The following DNAJC5 variants were observed in gnomAD, a reference collection of about 807,000 sequenced individuals.
DNAJC5 encodes the protein dnaJ homolog subfamily C member 5.
DNAJC5 carries 1 observed loss-of-function variant against 23.2 expected under a neutral mutation model. The observed-to-expected ratio is 0.04, with a 90% confidence interval of 0.02 to 0.20. DNAJC5 has a LOEUF of 0.20. DNAJC5 is among the 10% of genes least tolerant of loss of function. The pLI, the probability that DNAJC5 is intolerant of heterozygous loss-of-function variation, is 1.00. For synonymous variants in DNAJC5, 136 were observed against 120.0 expected (o/e 1.13, Z -0.87); for missense variants, 180 against 267.0 (o/e 0.67, Z 2.27).
rs138086896 is a variant in DNAJC5, at chr20:63,929,731, C to A, written c.321+206C>A. ...GGGCGCCCGAGTCACTCCTGCCGTGCGGGCACCCGAGTCTCTCCTGCCATG... is the reference window on the plus strand; with the variant it reads ...GGGCGCCCGAGTCACTCCTGCCGTGAGGGCACCCGAGTCTCTCCTGCCATG... On this transcript the variant is annotated intron_variant, in intron 3 of 4. Coordinates refer to ENST00000360864, the MANE Select transcript of DNAJC5 (RefSeq NM_025219.3). The surrounding 1 kb of genome is among the most constrained non-coding windows in gnomAD (Gnocchi z 8.6). Among the ~76,000 whole-genome samples, 573 of 132,196 alleles carry A rather than the reference C, an allele frequency of 4.3e-3. 18 individuals are homozygous for A. The highest frequency in any genetic ancestry group is 0.013 in the African/African-American group (497 of 37,044). The allele number at this position is 132,196 out of a possible 152,430, so 86.7% of individuals were successfully genotyped here. A position where few individuals can be genotyped will look rare whatever the true frequency, so the allele number is the denominator to read the frequency against.
intron 1 of DNAJC5, among the ~76,000 whole-genome samples, chr20:63,926,184 A>G (rs1173384414): frequency 1.3e-5 from 2 of 151,920 alleles, no homozygotes; most frequent in African/African-American, 4.8e-5. Flanking sequence ...GCCTATTCAG[A>G]TTTTCTATTT....
At chr20:63,902,286 C>G (rs2053418312) in intron 1 of DNAJC5, among the ~76,000 whole-genome samples, 1 of 151,354 alleles carries the variant, frequency 6.6e-6, no homozygotes, top group African/African-American at 2.4e-5. Context: ...GATCTCCTGA[C>G]CTTGTGATCC....
rs2053696754 is a variant in DNAJC5, at chr20:63,934,070, G to C, written c.*2502G>C. 1 of 152,164 alleles carries C rather than the reference G, an allele frequency of 6.6e-6. No individual in the cohort carries two copies. Among genetic ancestry groups the C allele is most frequent in the Non-Finnish European group, 1.5e-5 (1 of 68,022 alleles). The allele number at this position is 152,164 out of a possible 1,614,324, so 9.4% of individuals were successfully genotyped here. On this transcript the variant is annotated 3_prime_UTR_variant, in exon 5 of 5. Transcript: ENST00000360864. ...CTCACGGTGGTGATTGTGATTAGAC[G>C]ACCCCCGGGAAGCCCAGACACTCGG...
intron 1 of DNAJC5, among the ~76,000 whole-genome samples, chr20:63,898,378 C>T (rs564587575): frequency 7.2e-5 from 11 of 152,290 alleles, no homozygotes; most frequent in African/African-American, 2.6e-4. Context: ...TGCAGGTAAA[C>T]TGTAACAGCA....
At chr20:63,912,406 A>G (rs1037762886) in intron 1 of DNAJC5, among the ~76,000 whole-genome samples, 1 of 152,024 alleles carries the variant, frequency 6.6e-6, no homozygotes, top group Non-Finnish European at 1.5e-5. Context: ...ATTTCTTCAA[A>G]TGTATTTACA....
Position 63,931,332 on chromosome 20 carries a change from G to T in DNAJC5, c.494-133G>T, listed in dbSNP as rs1175349608. On this transcript the variant is annotated intron_variant, in intron 4 of 4. Coordinates refer to ENST00000360864, the MANE Select transcript of DNAJC5 (RefSeq NM_025219.3). The surrounding 1 kb of genome is among the most constrained non-coding windows in gnomAD (Gnocchi z 9.6). ...CCAAGGCGACGGAGGAAAGCCGTGT[G>T]GGGTGGAGGTCAGCGAGTAGCCTCT... 4 of 940,944 alleles carry T rather than the reference G, an allele frequency of 4.3e-6. No individual in the cohort carries two copies. Among genetic ancestry groups the T allele is most frequent in the South Asian group, 4.2e-5 (3 of 71,366 alleles). 58.3% of individuals were successfully genotyped at this position (940,944 alleles called of 1,614,324 possible). A position where few individuals can be genotyped will look rare whatever the true frequency, so the allele number is the denominator to read the frequency against.
chr20:63,908,531 C>T (rs561887400), intron 1 of DNAJC5, among the ~76,000 whole-genome samples: 9 of 152,306 alleles, frequency 5.9e-5, no homozygotes, highest in African/African-American at 2.2e-4. Flanking sequence ...ACGGAATGAA[C>T]AGGGCAAAGG....
chr20:63,913,977 C>T (rs915586283), intron 1 of DNAJC5, among the ~76,000 whole-genome samples: 2 of 152,218 alleles, frequency 1.3e-5, no homozygotes, highest in East Asian at 3.8e-4. Flanking sequence ...ACTCCATCCT[C>T]CCACCCCTCA....
Position 63,931,404 on chromosome 20 carries a change from C to G in DNAJC5, c.494-61C>G. 2 of 1,467,026 alleles carry G rather than the reference C, an allele frequency of 1.4e-6. No individual in the cohort carries two copies. The highest frequency in any genetic ancestry group is 1.8e-6 in the Non-Finnish European group (2 of 1,084,598). The allele number at this position is 1,467,026 out of a possible 1,614,324, so 90.9% of individuals were successfully genotyped here. On this transcript the variant is annotated intron_variant, in intron 4 of 4. Transcript: ENST00000360864. The surrounding 1 kb of genome is among the most constrained non-coding windows in gnomAD (Gnocchi z 9.6). ...GTGCCCGAAAGTCGCTCCACAGGAC[C>G]AGCGTTGGGTGCGCGCCAGGCTGTG...
intron 1 of DNAJC5, among the ~76,000 whole-genome samples, chr20:63,904,939 G>A (rs1268954894): frequency 2.9e-4 from 42 of 147,292 alleles, no homozygotes; most frequent in South Asian, 2.2e-4. Context: ...GAGTAGCTGG[G>A]ATTACAGGTG....
chr20:63,927,558 AAG>A (rs2053627218), intron 1 of DNAJC5, among the ~76,000 whole-genome samples: 2 of 150,618 alleles, frequency 1.3e-5, no homozygotes, highest in Non-Finnish European at 3.0e-5. Flanking sequence ...AAAAGAAAGA[AAG>A]AAACTGTGTG....
chr20:63,907,130 G>T (rs769965536), intron 1 of DNAJC5, among the ~76,000 whole-genome samples: 18 of 152,158 alleles, frequency 1.2e-4, no homozygotes, highest in Admixed American at 1.3e-4. Flanking sequence ...GGTCCATATA[G>T]TACCTTATTC....
chr20:63,909,306 G>T (rs2053467173), intron 1 of DNAJC5, among the ~76,000 whole-genome samples: 1 of 151,110 alleles, frequency 6.6e-6, no homozygotes, highest in Non-Finnish European at 1.5e-5. Context: ...GATACATCCT[G>T]GCTAACACAG....
Position 63,929,172 on chromosome 20 carries a change from TG to T in DNAJC5, c.108-138del. On this transcript the variant is annotated intron_variant, in intron 2 of 4. Coordinates refer to ENST00000360864, the MANE Select transcript of DNAJC5 (RefSeq NM_025219.3). The surrounding 1 kb of genome is among the most constrained non-coding windows in gnomAD (Gnocchi z 8.6). Reference sequence around the variant, plus strand: ...CTTTTGTCCCTGGCCCCTGCAGCCCTGGAGAGTCGGACAGTGAGGTGGCCTG... The same window carrying T: ...CTTTTGTCCCTGGCCCCTGCAGCCCTGAGAGTCGGACAGTGAGGTGGCCTG... 2 of 1,000,366 alleles carry T rather than the reference TG, an allele frequency of 2.0e-6. No homozygotes were observed. Among genetic ancestry groups the T allele is most frequent in the Non-Finnish European group, 3.1e-6 (2 of 652,596 alleles). The allele number at this position is 1,000,366 out of a possible 1,614,324, so 62.0% of individuals were successfully genotyped here. A position where few individuals can be genotyped will look rare whatever the true frequency, so the allele number is the denominator to read the frequency against.
intron 1 of DNAJC5, among the ~76,000 whole-genome samples, chr20:63,925,382 C>T (rs1443528367): frequency 6.6e-6 from 1 of 152,150 alleles, no homozygotes; most frequent in Non-Finnish European, 1.5e-5. Context: ...ACTTGGGAGG[C>T]TGAAGCAGAA....
intron 1 of DNAJC5, among the ~76,000 whole-genome samples, chr20:63,910,581 G>A (rs568095441): frequency 6.6e-6 from 1 of 152,098 alleles, no homozygotes; most frequent in East Asian, 1.9e-4. Context: ...CTGGGAGGGC[G>A]AGGCCCGAGG....
At position 63,931,603 on chromosome 20, in the gene DNAJC5, C is replaced by T. The variant is rs1445768346; in HGVS notation, c.*35C>T. 1.8e-5 allele frequency: 27 copies of T among 1,506,050 alleles called. No individual in the cohort carries two copies. The highest frequency in any genetic ancestry group is 5.5e-5 in the African/African-American group (4 of 72,282). The allele number at this position is 1,506,050 out of a possible 1,614,324, so 93.3% of individuals were successfully genotyped here. ...GAGCTGTGGTCAGAGGAGGAGCCGG[C>T]GCCTGGCCACGCCAACCTTAGAATC... On this transcript the variant is annotated 3_prime_UTR_variant, in exon 5 of 5. Transcript: ENST00000360864. This position sits in a 1 kb window ranked among gnomAD's most constrained non-coding sequence, Gnocchi z 9.6.
At chr20:63,912,296 C>G (rs8183934) in intron 1 of DNAJC5, among the ~76,000 whole-genome samples, 1 of 145,576 alleles carries the variant, frequency 6.9e-6, no homozygotes, top group South Asian at 2.2e-4. Flanking sequence ...GAGTGAGAAT[C>G]GGTCTCCAAA....
At chr20:63,907,000 G>A (rs2053452501) in intron 1 of DNAJC5, among the ~76,000 whole-genome samples, 1 of 151,384 alleles carries the variant, frequency 6.6e-6, no homozygotes, top group South Asian at 2.1e-4. Flanking sequence ...TACTTCGGAG[G>A]GTTGCAGGAG....
Sources: gnomAD v4.1 joint callset for allele counts (sites outside exome capture counted in the v4.1 genomes callset) on GRCh38, gnomAD v4.1.1 for gene constraint, Gnocchi (gnomAD v3.1) non-coding constraint, MANE v1.5 for transcripts, NCBI Gene and HGNC (gene_info 2026-07-23, HGNC 2026-07-21) for gene names.